Variants in BMPR1B observed in about 807,000 individuals in gnomAD.
The protein encoded by BMPR1B is bone morphogenetic protein receptor type-1B.
Under a neutral mutation model 59.1 loss-of-function variants are expected in BMPR1B, and 12 were observed. The observed-to-expected ratio is 0.20, with a 90% CI of 0.13 to 0.33. The LOEUF (loss-of-function observed/expected upper bound fraction) is 0.33. Among genes scored for constraint, BMPR1B ranks in the 10% least tolerant of loss-of-function variants. The pLI is 1.00. For synonymous variants in BMPR1B, 237 were observed against 207.3 expected, an observed-to-expected ratio of 1.14 and a Z score of -1.23; for missense variants, 550 against 610.9, an observed-to-expected ratio of 0.90 and a Z score of 1.05.
intron 1 of BMPR1B, among the ~76,000 whole-genome samples, chr4:94,807,992 C>T (rs1291292976): frequency 1.3e-5 from 2 of 152,080 alleles, no homozygotes; most frequent in Admixed American, 1.3e-4. Context: ...TGGCCTGCTT[C>T]AGCATTTAAA....
chr4:94,969,892 A>G (rs1730706547), intron 2 of BMPR1B, among the ~76,000 whole-genome samples: 1 of 152,224 alleles, frequency 6.6e-6, no homozygotes, highest in African/African-American at 2.4e-5. Flanking sequence ...AAGTTTAAAA[A>G]TCTAACAAAG....
At chr4:95,002,750 G>A (rs528030533) in intron 3 of BMPR1B, among the ~76,000 whole-genome samples, 2 of 152,014 alleles carry the variant, frequency 1.3e-5, no homozygotes, top group Non-Finnish European at 2.9e-5. Context: ...GATAATTTTC[G>A]ATTGGATTAA....
At chr4:95,086,003 G>GTGTA (rs1336085809) in intron 3 of BMPR1B, among the ~76,000 whole-genome samples, 11 of 151,846 alleles carry the variant, frequency 7.2e-5, no homozygotes, top group Admixed American at 6.6e-4. Flanking sequence ...GTGTGTGTGT[G>GTGTA]TGTGTGTGTA....
intron 1 of BMPR1B, among the ~76,000 whole-genome samples, chr4:94,831,322 G>GT (rs1426249000): frequency 6.6e-6 from 1 of 150,552 alleles, no homozygotes; most frequent in African/African-American, 2.4e-5. Context: ...ATGTGTTTGT[G>GT]TTTTAAGCTA....
chr4:95,035,785 A>G (rs1725197452), intron 3 of BMPR1B, among the ~76,000 whole-genome samples: 1 of 152,050 alleles, frequency 6.6e-6, no homozygotes, highest in Admixed American at 6.6e-5. Context: ...TTCCATATGA[A>G]TTTTAGGATT....
chr4:94,828,373 A>AT (rs1241642991), intron 1 of BMPR1B, among the ~76,000 whole-genome samples: 6 of 152,140 alleles, frequency 3.9e-5, no homozygotes, highest in Non-Finnish European at 8.8e-5. Context: ...CAATAACAGA[A>AT]TTTTTTCTGC....
chr4:95,137,813 A>G (rs986065041), intron 10 of BMPR1B, among the ~76,000 whole-genome samples: 7 of 152,032 alleles, frequency 4.6e-5, no homozygotes, highest in African/African-American at 1.7e-4. Context: ...TGCACATGAG[A>G]TGGGTCTCCT....
At chr4:94,899,593 C>T (rs1394202337) in intron 2 of BMPR1B, among the ~76,000 whole-genome samples, 3 of 151,548 alleles carry the variant, frequency 2.0e-5, no homozygotes, top group Non-Finnish European at 4.4e-5. Flanking sequence ...ATTATCTCTT[C>T]CTAGTAATAT....
intron 3 of BMPR1B, among the ~76,000 whole-genome samples, chr4:95,017,413 T>A (rs748171697): frequency 3.3e-5 from 5 of 152,216 alleles, no homozygotes; most frequent in Non-Finnish European, 5.9e-5. Flanking sequence ...TTTTTGCATG[T>A]ATGTGGCCTC....
At chr4:94,803,669 G>T (rs904463840) in intron 1 of BMPR1B, among the ~76,000 whole-genome samples, 5 of 152,108 alleles carry the variant, frequency 3.3e-5, no homozygotes, top group Non-Finnish European at 5.9e-5. Context: ...TATGCAATCT[G>T]TTCTCAACAT....
At chr4:95,066,546 T>G (rs1727818111) in intron 3 of BMPR1B, among the ~76,000 whole-genome samples, 2 of 152,196 alleles carry the variant, frequency 1.3e-5, no homozygotes, top group African/African-American at 4.8e-5. Context: ...TTCTAGAGCT[T>G]GTAAACATAG....
chr4:94,782,882 T>A (rs1722635260), intron 1 of BMPR1B, among the ~76,000 whole-genome samples: 1 of 152,190 alleles, frequency 6.6e-6, no homozygotes, highest in Non-Finnish European at 1.5e-5. Context: ...TAATTTTCTG[T>A]TGAGAACTGG....
chr4:95,154,864 G>C lies in BMPR1B; in HGVS notation c.*191G>C. ...AGAGAAGCTCCCAGAAGGAGAGATT[G>C]ATCCATGTCTGTTTGTAGGACGGAG... On this transcript the variant is annotated 3_prime_UTR_variant, in exon 13 of 13. Coordinates refer to ENST00000515059, the MANE Select transcript of BMPR1B (RefSeq NM_001203.3). The C allele has an allele frequency of 1.4e-6, 1 of 729,948 alleles. No homozygotes were observed. The highest frequency in any genetic ancestry group is 1.8e-5 in the South Asian group (1 of 55,314). 45.2% of individuals were successfully genotyped at this position (729,948 alleles called of 1,614,324 possible).
chr4:94,933,691 C>T (rs1729179391), intron 2 of BMPR1B, among the ~76,000 whole-genome samples: 2 of 152,108 alleles, frequency 1.3e-5, no homozygotes, highest in Admixed American at 6.6e-5. Flanking sequence ...TTTGTTATGA[C>T]AGACTGTCAT....
intron 3 of BMPR1B, among the ~76,000 whole-genome samples, chr4:95,003,779 C>G (rs1722619507): frequency 7.2e-6 from 1 of 138,916 alleles, no homozygotes; most frequent in Non-Finnish European, 1.5e-5. Context: ...ATGATTTAAA[C>G]TTGGATATGA....
At position 95,115,677 on chromosome 4, in the gene BMPR1B, G is replaced by T. The variant is rs778638766; in HGVS notation, c.247-8G>T. ...AACTCACTAATAGCTGTTTGGGTTC[G>T]ATTATAGGACACTCCCATTCCTCAT... On this transcript the variant is annotated splice_region_variant and splice_polypyrimidine_tract_variant and intron_variant, in intron 5 of 12. Transcript: ENST00000515059. 15 of 1,609,902 alleles carry T rather than the reference G, an allele frequency of 9.3e-6. No homozygotes were observed. In the South Asian group the frequency reaches 1.6e-4, roughly 18 times the overall value.
intron 6 of BMPR1B, among the ~76,000 whole-genome samples, chr4:95,121,675 C>T (rs1193255644): frequency 6.6e-6 from 1 of 151,978 alleles, no homozygotes; most frequent in Non-Finnish European, 1.5e-5. Context: ...AATGAGAAAT[C>T]TAGGTGAAGG....
chr4:95,000,933 G>A (rs751339573), intron 3 of BMPR1B, among the ~76,000 whole-genome samples: 31 of 152,170 alleles, frequency 2.0e-4, no homozygotes, highest in Non-Finnish European at 3.4e-4. Context: ...GAGGAGAAGA[G>A]TAAATTAATT....
At chr4:94,858,409 A>G (rs1725853602) in intron 1 of BMPR1B, among the ~76,000 whole-genome samples, 2 of 152,200 alleles carry the variant, frequency 1.3e-5, no homozygotes, top group African/African-American at 4.8e-5. Flanking sequence ...TGGCTATAAA[A>G]CTTAGTCATT....
Sources: gnomAD v4.1 joint callset for allele counts (sites outside exome capture counted in the v4.1 genomes callset) on GRCh38, gnomAD v4.1.1 for gene constraint, MANE v1.5 for transcripts, NCBI Gene and HGNC (gene_info 2026-07-23, HGNC 2026-07-21) for gene names.